MICAL2: variants seen among roughly 807,000 people sequenced by gnomAD.
MICAL2 encodes the protein [F-actin]-monooxygenase MICAL2.
A neutral mutation model predicts 127.3 loss-of-function variants in MICAL2; 77 were observed. That is an observed-to-expected ratio of 0.60 (90% CI 0.50 to 0.73). MICAL2 has a LOEUF of 0.73. Among genes scored for constraint, MICAL2 ranks in the 30% least tolerant of loss-of-function variants. The probability of loss-of-function intolerance (pLI) is 0.00; values close to 1 mark genes in which losing one functional copy is unlikely to be tolerated. For synonymous variants in MICAL2, 570 were observed against 551.1 expected (o/e 1.03, Z -0.48); for missense variants, 1,351 against 1,434.4 (o/e 0.94, Z 0.94).
intron 24 of MICAL2, 78 bp downstream of exon 24, chr11:12,257,049 T>C: frequency 6.8e-7 from 1 of 1,464,408 alleles, no homozygotes; most frequent in South Asian, 1.3e-5. Context: ...CCTGTCCCTC[T>C]GGTGGCTCTA....
chr11:12,111,201 G>A (rs1849579356), intron 1 of MICAL2, among the ~76,000 whole-genome samples: 1 of 152,158 alleles, frequency 6.6e-6, no homozygotes, highest in Non-Finnish European at 1.5e-5. Context: ...TCCCTCTTTA[G>A]TAACAGGAAG....
At chr11:12,303,249 G>A (rs977967694) in intron 29 of MICAL2, among the ~76,000 whole-genome samples, 3 of 152,114 alleles carry the variant, frequency 2.0e-5, no homozygotes, top group East Asian at 1.9e-4. Flanking sequence ...TGCTGTTGAC[G>A]TTTGCATCCT....
intron 3 of MICAL2, among the ~76,000 whole-genome samples, chr11:12,174,609 G>A (rs990169265): frequency 7.0e-6 from 1 of 142,122 alleles, no homozygotes. Context: ...TTTTTTTTCT[G>A]CTTTTTGGCT....
upstream of MICAL2, among the ~76,000 whole-genome samples, chr11:12,273,300 T>C (rs924271707): frequency 3.3e-5 from 5 of 152,202 alleles, no homozygotes; most frequent in African/African-American, 4.8e-5. Flanking sequence ...CAAACAATTA[T>C]TGGTATATAT....
chr11:12,335,344 T>C (rs1938728924), intron 32 of MICAL2, among the ~76,000 whole-genome samples: 2 of 152,174 alleles, frequency 1.3e-5, no homozygotes, highest in South Asian at 4.1e-4. Flanking sequence ...TTGTAGATTC[T>C]GGATATTAGC....
chr11:12,320,607 T>G (rs1864282278), intron 30 of MICAL2, among the ~76,000 whole-genome samples: 1 of 152,160 alleles, frequency 6.6e-6, no homozygotes, highest in Non-Finnish European at 1.5e-5. Flanking sequence ...AGCAGTTCAC[T>G]GCTCTGGTAG....
chr11:12,330,898 A>T lies in MICAL2; in HGVS notation c.5515+3632A>T, dbSNP rs867394044. On this transcript the variant is annotated intron_variant, in intron 32 of 34. Transcript: ENST00000646065. Reference sequence around the variant, plus strand: ...GAGAGAGAGACAGAGAGAGAGAGAGAGAGTGTGTGTGTGTGTGTGTGTGTG... The same window carrying T: ...GAGAGAGAGACAGAGAGAGAGAGAGTGAGTGTGTGTGTGTGTGTGTGTGTG... Among the ~76,000 whole-genome samples the T allele has an allele frequency of 5.5e-3, 665 of 121,142 alleles. 5 individuals are homozygous for T. The highest frequency in any genetic ancestry group is 0.014 in the African/African-American group (409 of 29,094). The allele number at this position is 121,142 out of a possible 152,430, so 79.5% of individuals were successfully genotyped here. A position where few individuals can be genotyped will look rare whatever the true frequency, so the allele number is the denominator to read the frequency against.
intron 32 of MICAL2, among the ~76,000 whole-genome samples, chr11:12,337,331 G>A (rs1197536585): frequency 1.3e-5 from 2 of 152,124 alleles, no homozygotes; most frequent in Admixed American, 1.3e-4. Context: ...GCGTCCATTT[G>A]ATTCTTCTCT....
chr11:12,305,837 C>T (rs1864103600), intron 29 of MICAL2, among the ~76,000 whole-genome samples: 1 of 152,146 alleles, frequency 6.6e-6, no homozygotes. Context: ...GTACAATTTT[C>T]ATTAGATATT....
intron 30 of MICAL2, among the ~76,000 whole-genome samples, chr11:12,322,395 G>A (rs1864309098): frequency 6.6e-6 from 1 of 152,150 alleles, no homozygotes; most frequent in South Asian, 2.1e-4. Flanking sequence ...GTGATTGACA[G>A]TCAATCTGGT....
intron 24 of MICAL2, among the ~76,000 whole-genome samples, chr11:12,257,949 C>A (rs537666054): frequency 1.3e-5 from 2 of 152,204 alleles, no homozygotes; most frequent in Non-Finnish European, 2.9e-5. Context: ...ATTTCCCACC[C>A]GCCAGGTATT....
At chr11:12,294,186 C>T (rs926299813), downstream of MICAL2, 15 of 1,613,786 alleles carry the variant, frequency 9.3e-6, no homozygotes, top group Non-Finnish European at 1.3e-5. Context: ...AAGATGGGGA[C>T]CCCTGCGGAA....
intron 23 of MICAL2, 76 bp from the exon 24 acceptor site, chr11:12,256,709 T>C (rs2134658940): frequency 7.3e-7 from 1 of 1,374,678 alleles, no homozygotes; most frequent in South Asian, 1.4e-5. Context: ...AGTGTGGAAT[T>C]TCTAAAAGCC....
At chr11:12,154,141 G>GT (rs1853903516) in intron 2 of MICAL2, among the ~76,000 whole-genome samples, 1 of 152,234 alleles carries the variant, frequency 6.6e-6, no homozygotes. Context: ...TCCCTCGGGA[G>GT]TGGAGCTGCT....
At chr11:12,259,509 G>T (rs975546984) in intron 25 of MICAL2, among the ~76,000 whole-genome samples, 5 of 152,158 alleles carry the variant, frequency 3.3e-5, no homozygotes, top group Admixed American at 2.6e-4. Context: ...TAGTATGCAT[G>T]TTGTTATCCA....
chr11:12,185,200 G>T (rs371194685), intron 3 of MICAL2, among the ~76,000 whole-genome samples: 1 of 127,622 alleles, frequency 7.8e-6, no homozygotes, highest in African/African-American at 2.9e-5. Flanking sequence ...TGGGTGGGGG[G>T]ATGGGTGGGT....
At chr11:12,314,482 AT>A (rs60902551) in intron 29 of MICAL2, among the ~76,000 whole-genome samples, 10 of 147,632 alleles carry the variant, frequency 6.8e-5, no homozygotes, top group South Asian at 4.3e-4. Context: ...AGAAAACTCT[AT>A]TTTTTTTTTC....
chr11:12,134,302 G>T (rs1851664239), intron 1 of MICAL2, among the ~76,000 whole-genome samples: 1 of 152,148 alleles, frequency 6.6e-6, no homozygotes, highest in Non-Finnish European at 1.5e-5. Context: ...TAGCTATCTG[G>T]ATTTTTTTTC....
rs555842589 is a variant in MICAL2, at chr11:12,244,576, A to G, written c.2784+464A>G. Among the ~76,000 whole-genome samples, 25 of 152,324 alleles carry G rather than the reference A, an allele frequency of 1.6e-4. 1 individual carries two copies. In the South Asian group the frequency reaches 2.9e-3, roughly 18 times the overall value. On this transcript the variant is annotated intron_variant, in intron 21 of 27. Coordinates refer to ENST00000683283, the MANE Select transcript of MICAL2 (RefSeq NM_001282663.2). ...ACGTAACACTATTCATTCATTCTAT[A>G]AGAGGTTTAAAGGGCAAGATTGTAG... is the stretch of plus-strand genomic sequence containing the variant.
Sources: allele counts gnomAD v4.1 joint callset (sites outside exome capture counted in the v4.1 genomes callset), GRCh38; gene constraint gnomAD v4.1.1; transcripts MANE v1.5; gene names NCBI Gene and HGNC (gene_info 2026-07-23, HGNC 2026-07-21).